GRM7: variants seen among roughly 807,000 people sequenced by gnomAD.
GRM7 encodes glutamate metabotropic receptor 7, also known as metabotropic glutamate receptor 7.
Under a neutral mutation model 84.5 loss-of-function variants are expected in GRM7, and 35 were observed. The observed-to-expected ratio is 0.41, with a 90% CI of 0.32 to 0.55. GRM7 has a LOEUF of 0.55. GRM7 is among the 20% of genes least tolerant of loss of function. The pLI, the probability that GRM7 is intolerant of heterozygous loss-of-function variation, is 0.19. For missense variants in GRM7, 1,003 were observed against 1,194.6 expected (o/e 0.84, Z 2.36); for synonymous variants, 487 against 455.1 (o/e 1.07, Z -0.89).
chr3:7,650,092 G>A (rs1466427187), intron 8 of GRM7, among the ~76,000 whole-genome samples: 1 of 152,110 alleles, frequency 6.6e-6, no homozygotes, highest in Non-Finnish European at 1.5e-5. Context: ...TTCCACAAAG[G>A]AAGAAAACCT....
chr3:7,589,937 C>G (rs1200428598), intron 8 of GRM7, among the ~76,000 whole-genome samples: 5 of 151,846 alleles, frequency 3.3e-5, no homozygotes, highest in Admixed American at 3.3e-4. Flanking sequence ...TTTTTTGATC[C>G]AAGGCCTCCC....
intron 1 of GRM7, among the ~76,000 whole-genome samples, chr3:6,976,800 C>G (rs548655310): frequency 2.0e-5 from 3 of 152,264 alleles, no homozygotes; most frequent in East Asian, 1.9e-4. Flanking sequence ...CTGCCAAATA[C>G]TTAAGTAAGA....
chr3:7,073,431 C>T lies in GRM7; in HGVS notation c.520-73021C>T, dbSNP rs188985018. Among the ~76,000 whole-genome samples the T allele has an allele frequency of 1.1e-4, 16 of 152,176 alleles. 1 individual carries two copies. The East Asian group carries it at 2.1e-3, about 20-fold the overall frequency. ...TCTGATTAGGCCTCTTGTTTCAAGG[C>T]AGCACTGTGCCTTAGTATTATATTA... On this transcript the variant is annotated intron_variant, in intron 1 of 9. Transcript: ENST00000357716.
At chr3:7,032,544 G>A (rs2124929201) in intron 1 of GRM7, among the ~76,000 whole-genome samples, 1 of 152,190 alleles carries the variant, frequency 6.6e-6, no homozygotes, top group Non-Finnish European at 1.5e-5. Flanking sequence ...TTCACATCAA[G>A]CAAAGATAAG....
At chr3:7,519,277 G>A (rs377337748) in intron 7 of GRM7, among the ~76,000 whole-genome samples, 6 of 151,906 alleles carry the variant, frequency 3.9e-5, no homozygotes, top group South Asian at 2.1e-4. Flanking sequence ...CAGGAGAATC[G>A]CTGAAACTCA....
chr3:7,589,649 G>A (rs985970338), intron 8 of GRM7, among the ~76,000 whole-genome samples: 4 of 152,102 alleles, frequency 2.6e-5, no homozygotes, highest in Non-Finnish European at 5.9e-5. Context: ...AGCTTATTGA[G>A]TTTTAGATCA....
chr3:7,177,131 T>A (rs1695179696), intron 2 of GRM7, among the ~76,000 whole-genome samples: 1 of 152,090 alleles, frequency 6.6e-6, no homozygotes, highest in Non-Finnish European at 1.5e-5. Context: ...CCTTTTTTTT[T>A]AAACCAAAGT....
At chr3:7,349,861 A>C (rs1484616149) in intron 4 of GRM7, among the ~76,000 whole-genome samples, 12 of 152,276 alleles carry the variant, frequency 7.9e-5, no homozygotes, top group Admixed American at 7.9e-4. Context: ...TTCATATATT[A>C]GGTTAGATTC....
chr3:7,276,972 G>A (rs879471020), intron 2 of GRM7, among the ~76,000 whole-genome samples: 6 of 151,936 alleles, frequency 3.9e-5, no homozygotes, highest in Admixed American at 6.6e-5. Flanking sequence ...ATTGAGGGTT[G>A]GTTGGTTGTT....
rs939670615 is a variant in GRM7 at position 7,567,360 on chromosome 3, G to A, written c.1516-11062G>A. On this transcript the variant is annotated intron_variant, in intron 7 of 9. Transcript: ENST00000357716. Reference sequence around the variant, plus strand: ...CCAAACTTGGGGCTTTCCACCCAGTGCAGCAAAGCCAAACAATGACATTGT... The same window carrying A: ...CCAAACTTGGGGCTTTCCACCCAGTACAGCAAAGCCAAACAATGACATTGT... Among the ~76,000 whole-genome samples, 9 of 152,172 alleles carry A rather than the reference G, an allele frequency of 5.9e-5. 1 individual carries two copies. The highest frequency in any genetic ancestry group is 2.2e-4 in the African/African-American group (9 of 41,454).
intron 8 of GRM7, among the ~76,000 whole-genome samples, chr3:7,579,947 T>C (rs1352202963): frequency 2.0e-5 from 3 of 152,214 alleles, no homozygotes; most frequent in Non-Finnish European, 2.9e-5. Context: ...TACAACTAGA[T>C]GGACATTAAT....
chr3:6,866,848 G>A (rs342026), intron 1 of GRM7, among the ~76,000 whole-genome samples: 99,131 of 152,026 alleles, frequency 0.65, 32,566 homozygotes, highest in South Asian at 0.69. Context: ...CTTTGTAATC[G>A]TTTGACCTCA....
At chr3:7,462,056 C>A (rs891982681) in intron 7 of GRM7, among the ~76,000 whole-genome samples, 3 of 152,066 alleles carry the variant, frequency 2.0e-5, no homozygotes, top group Non-Finnish European at 4.4e-5. Context: ...TGCCTCCCCC[C>A]ATTCCTTCCT....
intron 9 of GRM7, among the ~76,000 whole-genome samples, chr3:7,686,882 A>C (rs1700606441): frequency 6.6e-6 from 1 of 152,200 alleles, no homozygotes; most frequent in South Asian, 2.1e-4. Flanking sequence ...GTTTGTTCTA[A>C]TTTATTTTTA....
At chr3:7,258,386 G>A (rs1474842706) in intron 2 of GRM7, among the ~76,000 whole-genome samples, 2 of 152,040 alleles carry the variant, frequency 1.3e-5, no homozygotes, top group Non-Finnish European at 2.9e-5. Flanking sequence ...AAAACCCTAC[G>A]GCCTGGGGTG....
chr3:7,438,585 G>C (rs1026592528), intron 5 of GRM7, among the ~76,000 whole-genome samples: 2 of 152,064 alleles, frequency 1.3e-5, no homozygotes, highest in African/African-American at 4.8e-5. Flanking sequence ...AACCAGAAGG[G>C]GCAAGCAGAC....
At chr3:7,333,778 AC>A (rs1701300945) in intron 4 of GRM7, among the ~76,000 whole-genome samples, 1 of 152,040 alleles carries the variant, frequency 6.6e-6, no homozygotes, top group African/African-American at 2.4e-5. Context: ...AACAATCAAA[AC>A]TTCTGGAAAA....
At chr3:7,321,901 T>A (rs949774466) in intron 4 of GRM7, among the ~76,000 whole-genome samples, 12 of 152,120 alleles carry the variant, frequency 7.9e-5, no homozygotes, top group African/African-American at 2.7e-4. Context: ...CAGATGCTTA[T>A]GACTTATGCT....
chr3:7,656,545 G>A (rs112556231), intron 8 of GRM7, among the ~76,000 whole-genome samples: 61,617 of 119,454 alleles, frequency 0.52, 14,172 homozygotes, highest in Non-Finnish European at 0.54. Context: ...ATATACGCGC[G>A]CGCACACACA....
Sources: gnomAD v4.1 joint callset for allele counts (sites outside exome capture counted in the v4.1 genomes callset) on GRCh38, gnomAD v4.1.1 for gene constraint, MANE v1.5 for transcripts, NCBI Gene and HGNC (gene_info 2026-07-23, HGNC 2026-07-21) for gene names.